AGBL4: variants seen among roughly 807,000 people sequenced by gnomAD.
The protein encoded by AGBL4 is cytosolic carboxypeptidase 6.
In AGBL4, 58 loss-of-function variants were observed where a neutral mutation model predicts 66.4. The ratio of observed to expected loss-of-function variants is 0.87; its 90% CI spans 0.71 to 1.09. The LOEUF is 1.09. Among genes scored for constraint, AGBL4 ranks in the 50% least tolerant of loss-of-function variants. AGBL4 has a pLI of 0.00. For synonymous variants in AGBL4, 234 were observed against 222.9 expected, an observed-to-expected ratio of 1.05 and a Z score of -0.44; for missense variants, 579 against 631.0, an observed-to-expected ratio of 0.92 and a Z score of 0.88.
At chr1:49,913,853 G>A (rs574998070) in intron 1 of AGBL4, among the ~76,000 whole-genome samples, 92 of 152,300 alleles carry the variant, frequency 6.0e-4, no homozygotes, top group African/African-American at 1.7e-3. Flanking sequence ...CAGCTGGAAA[G>A]CACTGTGCCA....
chr1:48,945,903 G>A (rs938428743), intron 5 of AGBL4, among the ~76,000 whole-genome samples: 27 of 152,152 alleles, frequency 1.8e-4, no homozygotes, highest in African/African-American at 6.0e-4. Flanking sequence ...TGGGCATTAT[G>A]AGAATTCAAT....
At chr1:48,760,773 C>G (rs531955595) in intron 6 of AGBL4, among the ~76,000 whole-genome samples, 2 of 152,092 alleles carry the variant, frequency 1.3e-5, no homozygotes, top group Non-Finnish European at 2.9e-5. Context: ...ATCTACTGCA[C>G]AGAAAAAAAC....
intron 3 of AGBL4, among the ~76,000 whole-genome samples, chr1:49,482,895 G>C (rs1281301511): frequency 6.6e-6 from 1 of 151,984 alleles, no homozygotes; most frequent in Non-Finnish European, 1.5e-5. Context: ...AGTCATTCAG[G>C]AGCAGGTTAT....
chr1:49,181,202 CATGTGCCCA>C (rs1445606453), intron 4 of AGBL4, among the ~76,000 whole-genome samples: 1 of 152,208 alleles, frequency 6.6e-6, no homozygotes, highest in Admixed American at 6.5e-5. Context: ...ACCACCTCCA[CATGTGCCCA>C]ATTCATTCCT....
intron 6 of AGBL4, among the ~76,000 whole-genome samples, chr1:48,724,920 T>C (rs953418663): frequency 1.2e-4 from 18 of 152,282 alleles, no homozygotes; most frequent in Non-Finnish European, 1.9e-4. Context: ...AATTCAGTAT[T>C]GACAGTCTTC....
intron 2 of AGBL4, among the ~76,000 whole-genome samples, chr1:49,842,923 T>G (rs1646037149): frequency 6.6e-6 from 1 of 151,942 alleles, no homozygotes; most frequent in African/African-American, 2.4e-5. Context: ...CTCAGTGGCT[T>G]AAACCAAATA....
chr1:48,902,276 T>C (rs10788900), intron 5 of AGBL4, among the ~76,000 whole-genome samples: 74,265 of 152,062 alleles, frequency 0.49, 21,697 homozygotes, highest in Non-Finnish European at 0.67. Context: ...TATATCTCAA[T>C]TAATTTTTTT....
chr1:48,914,915 C>A (rs1397510101), intron 5 of AGBL4, among the ~76,000 whole-genome samples: 3 of 152,178 alleles, frequency 2.0e-5, no homozygotes, highest in Non-Finnish European at 2.9e-5. Context: ...TCTACCCAGG[C>A]TGCACATTAC....
At chr1:49,275,943 A>G (rs947515318) in intron 3 of AGBL4, among the ~76,000 whole-genome samples, 53 of 152,128 alleles carry the variant, frequency 3.5e-4, no homozygotes, top group African/African-American at 1.2e-3. Context: ...GCTCACTTGA[A>G]CATCTCAGTC....
intron 6 of AGBL4, among the ~76,000 whole-genome samples, chr1:48,826,980 T>C (rs1384411793): frequency 6.6e-6 from 1 of 152,180 alleles, no homozygotes; most frequent in East Asian, 1.9e-4. Context: ...TCCCACTGCC[T>C]GAATATTCTT....
chr1:48,769,418 C>T (rs1890730), intron 6 of AGBL4, among the ~76,000 whole-genome samples: 148,300 of 152,000 alleles, frequency 0.98, 72,438 homozygotes, highest in East Asian at 1. Context: ...ACCAGGGCTG[C>T]TGCCAACACA....
intron 8 of AGBL4, among the ~76,000 whole-genome samples, chr1:48,652,410 G>T (rs1326955619): frequency 6.6e-6 from 1 of 152,104 alleles, no homozygotes; most frequent in African/African-American, 2.4e-5. Context: ...AAGGTAGCAG[G>T]AACCAATAGG....
At chr1:48,644,338 T>A (rs1467367449) in intron 8 of AGBL4, among the ~76,000 whole-genome samples, 1 of 152,176 alleles carries the variant, frequency 6.6e-6, no homozygotes, top group African/African-American at 2.4e-5. Context: ...ACTTTCCCTA[T>A]CCCAACCCTC....
chr1:49,323,434 G>A (rs1347590686), intron 3 of AGBL4, among the ~76,000 whole-genome samples: 1 of 147,560 alleles, frequency 6.8e-6, no homozygotes, highest in South Asian at 2.2e-4. Flanking sequence ...GGCGCACGCC[G>A]CCATGCCTGG....
intron 2 of AGBL4, among the ~76,000 whole-genome samples, chr1:49,806,028 T>C (rs1372715140): frequency 2.0e-5 from 3 of 152,208 alleles, no homozygotes; most frequent in Non-Finnish European, 2.9e-5. Flanking sequence ...ACCTAAAATG[T>C]AGGAGTGGCT....
rs577726654 is a variant in AGBL4, at chr1:49,880,092, T to C, written c.35-28574A>G. On this transcript the variant is annotated intron_variant, in intron 1 of 13. Coordinates refer to ENST00000371839, the MANE Select transcript of AGBL4 (RefSeq NM_032785.4). The stretch of plus-strand genomic sequence containing the variant: ...TTTTTTTCAAAGTCTTCAACTTCTT[T>C]GCCTTTGGTTTGAATGTCCTCCCGT... Among the ~76,000 whole-genome samples, 14 of 152,116 alleles carry C rather than the reference T, an allele frequency of 9.2e-5. No homozygotes were observed. The East Asian group carries it at 2.5e-3, about 27-fold the overall frequency.
rs924798805 is a variant in AGBL4 at position 49,556,734 on chromosome 1, T to C, written c.282+140579A>G. 1.3e-4 allele frequency among the ~76,000 whole-genome samples: 20 copies of C among 151,928 alleles called. 1 individual carries two copies. Among genetic ancestry groups the C allele is most frequent in the African/African-American group, 4.8e-4 (20 of 41,404 alleles). ...CACTCTTCAGCCCTTGGGCCGTCCA[T>C]GGGACCTGGGGCCTCGGAGCAGGGG... On this transcript the variant is annotated intron_variant, in intron 3 of 13. Coordinates refer to ENST00000371839, the MANE Select transcript of AGBL4 (RefSeq NM_032785.4).
intron 2 of AGBL4, among the ~76,000 whole-genome samples, chr1:49,827,422 G>A (rs1645539916): frequency 6.6e-6 from 1 of 152,038 alleles, no homozygotes; most frequent in Non-Finnish European, 1.5e-5. Context: ...GGTCAAAAGG[G>A]CTCTTCTGTT....
At chr1:48,651,342 A>C (rs969044737) in intron 8 of AGBL4, among the ~76,000 whole-genome samples, 2 of 152,322 alleles carry the variant, frequency 1.3e-5, no homozygotes, top group East Asian at 1.9e-4. Context: ...GTGTCCATCT[A>C]AAGCCCTGAG....
Sources: allele counts gnomAD v4.1 joint callset (sites outside exome capture counted in the v4.1 genomes callset), GRCh38; gene constraint gnomAD v4.1.1; transcripts MANE v1.5; gene names NCBI Gene and HGNC (gene_info 2026-07-23, HGNC 2026-07-21).